TCP11L1: variants seen among roughly 807,000 people sequenced by gnomAD.
The protein encoded by TCP11L1 is t-complex 11 like 1.
A neutral mutation model predicts 48.9 loss-of-function variants in TCP11L1; 28 were observed. That is an observed-to-expected ratio of 0.57 (90% CI 0.42 to 0.78). The LOEUF (loss-of-function observed/expected upper bound fraction) is 0.78, where lower values mean the gene tolerates loss of function less well. Ranked by LOEUF, TCP11L1 falls within the 30% of genes least tolerant of loss-of-function variation. TCP11L1 has a pLI of 0.00. For missense variants in TCP11L1, 505 were observed against 613.4 expected, an observed-to-expected ratio of 0.82 and a Z score of 1.87; for synonymous variants, 204 against 231.9, an observed-to-expected ratio of 0.88 and a Z score of 1.09.
chr11:33,061,969 C>A (rs1564984399), intron 7 of TCP11L1, among the ~76,000 whole-genome samples: 5 of 152,024 alleles, frequency 3.3e-5, no homozygotes, highest in Non-Finnish European at 5.9e-5. Flanking sequence ...GTAGCCCCAG[C>A]TACTTGGGAG....
chr11:33,069,464 T>C (rs893287702), intron 9 of TCP11L1, among the ~76,000 whole-genome samples: 3 of 151,986 alleles, frequency 2.0e-5, no homozygotes, highest in African/African-American at 4.8e-5. Context: ...ATATTTAAAA[T>C]ATTCTATAAT....
At chr11:33,044,677 T>C (rs1853936720) in intron 2 of TCP11L1, among the ~76,000 whole-genome samples, 1 of 152,222 alleles carries the variant, frequency 6.6e-6, no homozygotes, top group South Asian at 2.1e-4. Context: ...TCTTCTAAAA[T>C]GATCAAAGCC....
At chr11:33,055,769 A>G (rs1854290680) in intron 3 of TCP11L1, among the ~76,000 whole-genome samples, 1 of 152,160 alleles carries the variant, frequency 6.6e-6, no homozygotes, top group Admixed American at 6.5e-5. Context: ...TGCATTTAAT[A>G]GTGAAGAATT....
At chr11:33,068,558 A>C (rs1197319781) in intron 8 of TCP11L1, 129 bp from the exon 9 acceptor site, 12 of 1,135,812 alleles carry the variant, frequency 1.1e-5, no homozygotes, top group Non-Finnish European at 1.4e-5. Flanking sequence ...CAGGGAAAAG[A>C]GTCTCAAATT....
Position 33,058,120 on chromosome 11 carries a change from G to T in TCP11L1, c.619G>T (p.Glu207Ter). The T allele has an allele frequency of 1.2e-6, 2 of 1,613,410 alleles. No individual in the cohort carries two copies. The highest frequency in any genetic ancestry group is 8.5e-7 in the Non-Finnish European group (1 of 1,179,952). The part of the protein sequence containing the change: ...EEVKKLKDIK[E>*]IVPLFREIFS... ...AGTTAAGAAACTAAAGGACATTAAG[G>T]AAATAGTGCCCCTTTTCAGGTATGG... is the stretch of plus-strand genomic sequence containing the variant. The change falls in exon 5 of 10, where the codon GAA (glutamate) becomes TAA (stop). Residue 207 changes from glutamate (E) to a stop codon, truncating the protein, a stop_gained. Coordinates refer to ENST00000334274, the MANE Select transcript of TCP11L1 (RefSeq NM_018393.4). LOFTEE classifies it high-confidence loss of function.
intron 2 of TCP11L1, among the ~76,000 whole-genome samples, chr11:33,046,340 C>T (rs1853992957): frequency 6.6e-6 from 1 of 152,246 alleles, no homozygotes; most frequent in Non-Finnish European, 1.5e-5. Context: ...GATGGCTTCG[C>T]CTTTGGCATC....
chr11:33,047,991 T>C (rs1195416002), intron 2 of TCP11L1, among the ~76,000 whole-genome samples: 1 of 152,214 alleles, frequency 6.6e-6, no homozygotes, highest in Non-Finnish European at 1.5e-5. Flanking sequence ...ACAACCATTC[T>C]AAATTAGAAC....
chr11:33,060,362 GA>G (rs1854433280), intron 6 of TCP11L1, among the ~76,000 whole-genome samples: 1 of 152,160 alleles, frequency 6.6e-6, no homozygotes, highest in African/African-American at 2.4e-5. Flanking sequence ...GGGGGTTACG[GA>G]GAATATTATC....
At position 33,054,590 on chromosome 11, in the gene TCP11L1, C is replaced by T. The variant is rs755161917; in HGVS notation, c.164-3C>T. On this transcript the variant is annotated splice_polypyrimidine_tract_variant and splice_region_variant and intron_variant, in intron 2 of 9. Transcript: ENST00000334274. ...AATCTCTTACAGTGAGTTTCTGTTA[C>T]AGCTAGTCCTCCTCGCTTTGTGACA... 10 of 1,610,036 alleles carry T rather than the reference C, an allele frequency of 6.2e-6. No individual in the cohort carries two copies. The highest frequency in any genetic ancestry group is 8.5e-6 in the Non-Finnish European group (10 of 1,178,870).
rs115049167 is a variant in TCP11L1, at chr11:33,052,867, C to T, written c.164-1726C>T. Among the ~76,000 whole-genome samples the T allele has an allele frequency of 7.1e-3, 1,082 of 152,156 alleles. 15 individuals carry two copies. The highest frequency in any genetic ancestry group is 0.025 in the African/African-American group (1,031 of 41,496). On this transcript the variant is annotated intron_variant, in intron 2 of 9. Transcript: ENST00000334274. Reference sequence around the variant, plus strand: ...AAATAACCAGACATGGTGGCATGTGCCTGTAGTCCTGGCTACTTGGGAGGC... The same window carrying T: ...AAATAACCAGACATGGTGGCATGTGTCTGTAGTCCTGGCTACTTGGGAGGC...
In TCP11L1 at chr11:33,043,865, G is replaced by A. The variant is rs759276664; in HGVS notation, c.92G>A (p.Gly31Asp). 2.5e-5 allele frequency: 41 copies of A among 1,613,804 alleles called. No homozygotes were observed. Among genetic ancestry groups the A allele is most frequent in the Non-Finnish European group, 3.1e-5 (37 of 1,179,920 alleles). ...GAAGGCCTCGAAGATGCTGTGGAAG[G>A]TGCTGATGAAGCCTTACAAAAAGCA... ...SEEGLEDAVE[G>D]ADEALQKAIK... The change falls in exon 2 of 10, where the codon GGT becomes GAT. Residue 31 changes from glycine to aspartate, a missense_variant. Physicochemically the swap from Gly to Asp is moderately conservative, Grantham distance 94 (BLOSUM62 -1). Transcript: ENST00000334274.
intron 4 of TCP11L1, among the ~76,000 whole-genome samples, chr11:33,057,534 C>T (rs1271734950): frequency 6.6e-6 from 1 of 152,144 alleles, no homozygotes; most frequent in African/African-American, 2.4e-5. Flanking sequence ...GTGACTCAGC[C>T]TTTGGGACAG....
At chr11:33,049,788 A>G in intron 2 of TCP11L1, among the ~76,000 whole-genome samples, 1 of 152,164 alleles carries the variant, frequency 6.6e-6, no homozygotes, top group Non-Finnish European at 1.5e-5. Context: ...TGAGCAGGAG[A>G]CAGATGCCTT....
chr11:33,056,043 C>T (rs1249875821), intron 3 of TCP11L1, among the ~76,000 whole-genome samples: 1 of 152,192 alleles, frequency 6.6e-6, no homozygotes, highest in Non-Finnish European at 1.5e-5. Context: ...GTCTCAAACT[C>T]CTGACCTTGT....
intron 7 of TCP11L1, among the ~76,000 whole-genome samples, chr11:33,064,582 T>C (rs1229153332): frequency 6.6e-6 from 1 of 152,160 alleles, no homozygotes; most frequent in Non-Finnish European, 1.5e-5. Flanking sequence ...GAGGCAGTCA[T>C]GGGAATGTGC....
At chr11:33,050,615 T>C (rs1177693065) in intron 2 of TCP11L1, among the ~76,000 whole-genome samples, 2 of 151,842 alleles carry the variant, frequency 1.3e-5, no homozygotes, top group Non-Finnish European at 2.9e-5. Context: ...ACTCTCCAGT[T>C]TGGGCAACAG....
intron 8 of TCP11L1, among the ~76,000 whole-genome samples, chr11:33,067,116 T>TA (rs1207524144): frequency 6.6e-6 from 1 of 152,210 alleles, no homozygotes; most frequent in Non-Finnish European, 1.5e-5. Flanking sequence ...GTTCTGCCCT[T>TA]GCTTGTTCCC....
Position 33,057,357 on chromosome 11 carries a change from G to A in TCP11L1, c.417+122G>A, listed in dbSNP as rs544785520. On this transcript the variant is annotated intron_variant, in intron 4 of 9. Transcript: ENST00000334274. ...GATCAAGAAGTTAAAGTACTTGCCA[G>A]AAGGTGGATCAAGAGTGTTTTTGGC... 5.9e-4 allele frequency: 878 copies of A among 1,491,546 alleles called. 2 individuals carry two copies. The highest frequency in any genetic ancestry group is 4.8e-3 in the Middle Eastern group (25 of 5,258). The allele number at this position is 1,491,546 out of a possible 1,614,324, so 92.4% of individuals were successfully genotyped here. A position where few individuals can be genotyped will look rare whatever the true frequency, so the allele number is the denominator to read the frequency against.
intron 7 of TCP11L1, 134 bp from the exon 8 acceptor site, chr11:33,065,696 C>A: frequency 2.1e-6 from 2 of 964,346 alleles, no homozygotes; most frequent in Non-Finnish European, 3.1e-6. Flanking sequence ...ACACCAGACT[C>A]CCTCAAAGCT....
Sources: gnomAD v4.1 joint callset for allele counts (sites outside exome capture counted in the v4.1 genomes callset) on GRCh38, gnomAD v4.1.1 for gene constraint, MANE v1.5 for transcripts, NCBI Gene and HGNC (gene_info 2026-07-23, HGNC 2026-07-21) for gene names.